DNAJC6: variants seen among roughly 807,000 people sequenced by gnomAD.
The protein encoded by DNAJC6 is DnaJ heat shock protein family (Hsp40) member C6.
In DNAJC6, 34 loss-of-function variants were observed where a neutral mutation model predicts 110.0. The ratio of observed to expected loss-of-function variants is 0.31; its 90% CI spans 0.24 to 0.41. DNAJC6 has a LOEUF of 0.41. Ranked by LOEUF, DNAJC6 falls within the 10% of genes least tolerant of loss-of-function variation. The probability of loss-of-function intolerance (pLI) is 1.00; values close to 1 mark genes in which losing one functional copy is unlikely to be tolerated. For missense variants in DNAJC6, 1,031 were observed against 1,207.8 expected (o/e 0.85, Z 2.17); for synonymous variants, 406 against 437.2 (o/e 0.93, Z 0.89).
At chr1:65,391,796 TAGACAC>T (rs1245652016) in intron 11 of DNAJC6, among the ~76,000 whole-genome samples, 2 of 152,190 alleles carry the variant, frequency 1.3e-5, no homozygotes, top group African/African-American at 4.8e-5. Flanking sequence ...TTTATTTATT[TAGACAC>T]AGTTTCACTC....
intron 9 of DNAJC6, 82 bp downstream of exon 9, chr1:65,388,497 T>C (rs971685655): frequency 1.6e-6 from 2 of 1,269,028 alleles, no homozygotes; most frequent in Non-Finnish European, 2.3e-6. Flanking sequence ...GGCTGTAGCA[T>C]ACCCTGGAAT....
chr1:65,269,985 C>T lies in DNAJC6; in HGVS notation c.-131+5053C>T, dbSNP rs1466518456. 2.0e-5 allele frequency among the ~76,000 whole-genome samples: 3 copies of T among 152,174 alleles called. No individual in the cohort carries two copies. The East Asian group carries it at 5.8e-4, about 29-fold the overall frequency. Reference sequence around the variant, plus strand: ...ATGTAGTAAAACCTTCTATACTTTTCTGGGCTTAGAACATAAATTGGTTTC... The same window carrying T: ...ATGTAGTAAAACCTTCTATACTTTTTTGGGCTTAGAACATAAATTGGTTTC... On this transcript the variant is annotated intron_variant, in intron 1 of 19. Transcript: ENST00000263441.
chr1:65,308,231 G>A (rs1645062526), upstream of DNAJC6, among the ~76,000 whole-genome samples: 1 of 152,204 alleles, frequency 6.6e-6, no homozygotes, highest in Non-Finnish European at 1.5e-5. Flanking sequence ...CATGTAAGAT[G>A]AGAAGAAAGC....
intron 9 of DNAJC6, among the ~76,000 whole-genome samples, chr1:65,388,770 A>G (rs1436568205): frequency 1.3e-5 from 2 of 152,216 alleles, no homozygotes; most frequent in Non-Finnish European, 2.9e-5. Flanking sequence ...ATCAGCAATG[A>G]TGCATCAGAA....
chr1:65,333,516 A>G (rs1466040710), intron 1 of DNAJC6, among the ~76,000 whole-genome samples: 1 of 152,150 alleles, frequency 6.6e-6, no homozygotes, highest in African/African-American at 2.4e-5. Context: ...TAAAGGGGTT[A>G]AGTGAGTTGC....
chr1:65,283,866 AC>A (rs1653928648), intron 1 of DNAJC6, among the ~76,000 whole-genome samples: 1 of 152,118 alleles, frequency 6.6e-6, no homozygotes, highest in Non-Finnish European at 1.5e-5. Context: ...GTGTAGTGAT[AC>A]ATTGACTTTT....
chr1:65,302,533 T>C (rs1191179550), intron 1 of DNAJC6, among the ~76,000 whole-genome samples: 1 of 132,850 alleles, frequency 7.5e-6, no homozygotes, highest in African/African-American at 2.9e-5. Context: ...CTTTTTTTTT[T>C]TTTTTTTTTT....
chr1:65,411,864 G>T (rs1235773992), intron 18 of DNAJC6, among the ~76,000 whole-genome samples: 1 of 152,084 alleles, frequency 6.6e-6, no homozygotes, highest in Non-Finnish European at 1.5e-5. Flanking sequence ...TTAGCCACTC[G>T]GGAGGTTGAG....
At chr1:65,350,895 C>G (rs1365148597) in intron 1 of DNAJC6, among the ~76,000 whole-genome samples, 2 of 152,164 alleles carry the variant, frequency 1.3e-5, no homozygotes, top group Non-Finnish European at 2.9e-5. Context: ...GTTCTCAACC[C>G]TGCATCAGGC....
intron 4 of DNAJC6, among the ~76,000 whole-genome samples, chr1:65,372,357 G>T (rs563104273): frequency 5.3e-5 from 8 of 152,044 alleles, no homozygotes; most frequent in Non-Finnish European, 7.4e-5. Flanking sequence ...GCCAAATGGG[G>T]TTCATTCCTT....
intron 1 of DNAJC6, among the ~76,000 whole-genome samples, chr1:65,340,024 G>T (rs1645374518): frequency 6.6e-6 from 1 of 152,162 alleles, no homozygotes; most frequent in Admixed American, 6.5e-5. Flanking sequence ...ATGAGTCATG[G>T]GGTCACCCAG....
chr1:65,341,081 G>C (rs1055716151), intron 1 of DNAJC6, among the ~76,000 whole-genome samples: 3 of 152,162 alleles, frequency 2.0e-5, no homozygotes, highest in Non-Finnish European at 4.4e-5. Context: ...TACTAACTGG[G>C]ACTGATAGCC....
chr1:65,345,618 TA>T (rs1645430084), intron 1 of DNAJC6: 1 of 982,502 alleles, frequency 1.0e-6, no homozygotes, highest in Non-Finnish European at 1.2e-6. Context: ...CAGGAGTGGT[TA>T]TTATTGAGTC....
At chr1:65,356,109 G>A (rs1465915445) in intron 1 of DNAJC6, among the ~76,000 whole-genome samples, 3 of 152,020 alleles carry the variant, frequency 2.0e-5, no homozygotes, top group Admixed American at 6.6e-5. Flanking sequence ...AATACAGGTT[G>A]CCTTCTGTAA....
intron 1 of DNAJC6, among the ~76,000 whole-genome samples, chr1:65,291,004 C>CATA (rs1644870101): frequency 6.6e-6 from 1 of 152,140 alleles, no homozygotes; most frequent in African/African-American, 2.4e-5. Context: ...CTAGATAAAG[C>CATA]AAACTTGCAA....
intron 5 of DNAJC6, among the ~76,000 whole-genome samples, chr1:65,380,916 G>T (rs865934636): frequency 0.036 from 3,386 of 93,290 alleles, 232 homozygotes; most frequent in African/African-American, 0.11. Flanking sequence ...TTTTTGTTTT[G>T]TTTTGTTTTT....
At chr1:65,265,076 A>G in intron 1 of DNAJC6, 1 of 716,476 alleles carries the variant, frequency 1.4e-6, no homozygotes, top group Non-Finnish European at 2.3e-6. Flanking sequence ...TTCTAGTTAT[A>G]TAATAAACAT....
rs529460011 is a variant in DNAJC6 at position 65,355,816 on chromosome 1, C to G, written c.194-8819C>G. Among the ~76,000 whole-genome samples, 3 of 151,720 alleles carry G rather than the reference C, an allele frequency of 2.0e-5. No homozygotes were observed. The East Asian group carries it at 5.8e-4, about 29-fold the overall frequency. ...TGGATACACCAATAGGAGATTCTTACCCTAGGGAGGCTTGCTAGACACATC... is the reference window on the plus strand; with the variant it reads ...TGGATACACCAATAGGAGATTCTTAGCCTAGGGAGGCTTGCTAGACACATC... On this transcript the variant is annotated intron_variant, in intron 1 of 18. Transcript: ENST00000371069.
intron 1 of DNAJC6, among the ~76,000 whole-genome samples, chr1:65,278,055 T>C (rs1050638794): frequency 2.0e-5 from 3 of 152,206 alleles, no homozygotes; most frequent in African/African-American, 7.2e-5. Flanking sequence ...AGTAATTCTT[T>C]CTCTTAGAAA....
Sources: gnomAD v4.1 joint callset for allele counts (sites outside exome capture counted in the v4.1 genomes callset) on GRCh38, gnomAD v4.1.1 for gene constraint, MANE v1.5 for transcripts, NCBI Gene and HGNC (gene_info 2026-07-23, HGNC 2026-07-21) for gene names.